The following SPATA17 variants were observed in gnomAD, a reference collection of about 807,000 sequenced individuals.
SPATA17 encodes the protein spermatogenesis-associated protein 17.
Under a neutral mutation model 62.2 loss-of-function variants are expected in SPATA17, and 53 were observed. The ratio of observed to expected loss-of-function variants is 0.85; its 90% confidence interval spans 0.68 to 1.07. SPATA17 has a LOEUF of 1.07. Among genes scored for constraint, SPATA17 ranks in the 50% least tolerant of loss-of-function variants. The pLI is 0.00. For synonymous variants in SPATA17, 146 were observed against 146.8 expected (o/e 0.99, Z 0.04); for missense variants, 466 against 425.5 (o/e 1.10, Z -0.84).
At chr1:217,849,577 G>A (rs535714709) in intron 9 of SPATA17, among the ~76,000 whole-genome samples, 1 of 152,276 alleles carries the variant, frequency 6.6e-6, no homozygotes, top group Admixed American at 6.5e-5. Context: ...AGGAGTGCAA[G>A]TATCTGGGAA....
rs113699202 is a variant in SPATA17 at position 217,837,249 on chromosome 1, A to C, written c.1006-25525A>C. Among the ~76,000 whole-genome samples the C allele has an allele frequency of 6.2e-3, 950 of 152,272 alleles. 4 individuals are homozygous for C. Among genetic ancestry groups the C allele is most frequent in the African/African-American group, 0.021 (883 of 41,568 alleles). ...ACAGTAATATGGCTAAATTAGCCAC[A>C]ACTTTGCTAGATAATTAACTGTGGT... is the stretch of plus-strand genomic sequence containing the variant. On this transcript the variant is annotated intron_variant, in intron 9 of 10. Transcript: ENST00000366933.
At chr1:217,788,898 C>A (rs1352486354) in intron 8 of SPATA17, among the ~76,000 whole-genome samples, 1 of 152,118 alleles carries the variant, frequency 6.6e-6, no homozygotes, top group Non-Finnish European at 1.5e-5. Context: ...TAAAGGTTTT[C>A]AAATCAAGAA....
chr1:217,728,483 C>G (rs934894732), intron 5 of SPATA17, among the ~76,000 whole-genome samples: 1 of 152,070 alleles, frequency 6.6e-6, no homozygotes, highest in African/African-American at 2.4e-5. Context: ...TGATTGTTTG[C>G]TAAAAATCAA....
intron 4 of SPATA17, among the ~76,000 whole-genome samples, chr1:217,676,750 C>G (rs1670954807): frequency 6.6e-6 from 1 of 152,092 alleles, no homozygotes; most frequent in African/African-American, 2.4e-5. Context: ...ATGCAAATTT[C>G]AAGAAGTGCT....
At chr1:217,731,665 G>T (rs1033721447) in intron 5 of SPATA17, among the ~76,000 whole-genome samples, 2 of 152,026 alleles carry the variant, frequency 1.3e-5, no homozygotes, top group African/African-American at 4.8e-5. Context: ...AGAGGTTCTA[G>T]AAACATGTGA....
At chr1:217,759,862 G>A (rs1416614316) in intron 6 of SPATA17, among the ~76,000 whole-genome samples, 1 of 152,146 alleles carries the variant, frequency 6.6e-6, no homozygotes, top group African/African-American at 2.4e-5. Context: ...AAAGCAAATG[G>A]ATCAATAGTT....
At chr1:217,786,989 C>G (rs1046756742) in intron 8 of SPATA17, among the ~76,000 whole-genome samples, 3 of 152,088 alleles carry the variant, frequency 2.0e-5, no homozygotes, top group Non-Finnish European at 2.9e-5. Context: ...ATATAACACA[C>G]TTTCCTGCAT....
In SPATA17 at chr1:217,867,851, G is replaced by C. The variant is rs1172301718; in HGVS notation, c.*832G>C. 1 of 152,152 alleles carries C rather than the reference G, an allele frequency of 6.6e-6. No individual in the cohort carries two copies. The highest frequency in any genetic ancestry group is 6.6e-5 in the Admixed American group (1 of 15,266). The allele number at this position is 152,152 out of a possible 1,614,324, so 9.4% of individuals were successfully genotyped here. Reference sequence around the variant, plus strand: ...GGAATCTTTGTTTCTTGCATCTGAAGAGAATAACACTAAACTTATTGCATA... The same window carrying C: ...GGAATCTTTGTTTCTTGCATCTGAACAGAATAACACTAAACTTATTGCATA... On this transcript the variant is annotated 3_prime_UTR_variant, in exon 11 of 11. Transcript: ENST00000366933.
chr1:217,787,671 T>C (rs1673902958), intron 8 of SPATA17, among the ~76,000 whole-genome samples: 1 of 152,188 alleles, frequency 6.6e-6, no homozygotes, highest in African/African-American at 2.4e-5. Context: ...GGGGTATCTA[T>C]TGTCAACCCT....
intron 5 of SPATA17, among the ~76,000 whole-genome samples, chr1:217,717,968 G>A (rs1306228378): frequency 6.6e-6 from 1 of 152,146 alleles, no homozygotes; most frequent in African/African-American, 2.4e-5. Context: ...AAACTAATGG[G>A]GTCATAAGCA....
intron 4 of SPATA17, among the ~76,000 whole-genome samples, chr1:217,680,586 A>G (rs538684987): frequency 6.6e-6 from 1 of 152,268 alleles, no homozygotes; most frequent in African/African-American, 2.4e-5. Context: ...GACACTTTGA[A>G]TACTTTTGTT....
intron 5 of SPATA17, among the ~76,000 whole-genome samples, chr1:217,700,767 T>C (rs1225888924): frequency 1.3e-5 from 2 of 149,042 alleles, no homozygotes; most frequent in Non-Finnish European, 3.0e-5. Context: ...TTTTTCTTTT[T>C]TTTTTTTTTT....
rs142086124 is a variant in SPATA17 at position 217,696,862 on chromosome 1, A to G, written c.395+13501A>G. ...TAGAACCACTCTAGTCCCCTTAGAA[A>G]GTATTGGCTTAATATGAGAGACTCA... On this transcript the variant is annotated intron_variant, in intron 5 of 10. Coordinates refer to ENST00000366933, the MANE Select transcript of SPATA17 (RefSeq NM_138796.4). Among the ~76,000 whole-genome samples the G allele has an allele frequency of 1.2e-4, 19 of 152,264 alleles. No individual in the cohort carries two copies. In the East Asian group the frequency reaches 3.7e-3, roughly 29 times the overall value.
At chr1:217,837,466 T>C (rs1473794361) in intron 9 of SPATA17, among the ~76,000 whole-genome samples, 1 of 152,128 alleles carries the variant, frequency 6.6e-6, no homozygotes, top group Admixed American at 6.6e-5. Flanking sequence ...AACAGCTGTT[T>C]ACTAACAGAT....
chr1:217,813,274 T>C (rs1349905843), intron 9 of SPATA17, among the ~76,000 whole-genome samples: 1 of 152,190 alleles, frequency 6.6e-6, no homozygotes, highest in East Asian at 1.9e-4. Flanking sequence ...ACCAGCATCC[T>C]GATAATAATG....
At chr1:217,754,772 G>A (rs544079405) in intron 6 of SPATA17, among the ~76,000 whole-genome samples, 10 of 152,154 alleles carry the variant, frequency 6.6e-5, no homozygotes, top group Admixed American at 3.9e-4. Context: ...CTAATCCATC[G>A]TCTTTTTCCT....
At chr1:217,659,489 G>A (rs1184005648) in intron 3 of SPATA17, among the ~76,000 whole-genome samples, 2 of 152,026 alleles carry the variant, frequency 1.3e-5, no homozygotes, top group Non-Finnish European at 2.9e-5. Flanking sequence ...CTTAAAAATA[G>A]TTTTTACAAT....
chr1:217,665,860 T>G (rs375001814), intron 3 of SPATA17, among the ~76,000 whole-genome samples: 2 of 152,202 alleles, frequency 1.3e-5, no homozygotes, highest in South Asian at 4.1e-4. Context: ...AGAAGCTTTC[T>G]AAAAATTGAG....
chr1:217,752,591 A>G (rs1382854507), intron 6 of SPATA17, among the ~76,000 whole-genome samples: 1 of 152,220 alleles, frequency 6.6e-6, no homozygotes, highest in Non-Finnish European at 1.5e-5. Flanking sequence ...CTAAATTTTC[A>G]TTACTATAAA....
Sources: allele counts gnomAD v4.1 joint callset (sites outside exome capture counted in the v4.1 genomes callset), GRCh38; gene constraint gnomAD v4.1.1; transcripts MANE v1.5; gene names NCBI Gene and HGNC (gene_info 2026-07-23, HGNC 2026-07-21).